SHTN1: variants seen among roughly 807,000 people sequenced by gnomAD.
The protein encoded by SHTN1 is shootin 1, also known as shootin-1.
Under a neutral mutation model 83.1 loss-of-function variants are expected in SHTN1, and 42 were observed. The ratio of observed to expected loss-of-function variants is 0.51; its 90% CI spans 0.39 to 0.65. The LOEUF is 0.65. Ranked by LOEUF, SHTN1 falls within the 30% of genes least tolerant of loss-of-function variation. SHTN1 has a pLI of 0.00. For missense variants in SHTN1, 622 were observed against 737.8 expected, an observed-to-expected ratio of 0.84 and a Z score of 1.82; for synonymous variants, 224 against 247.7, an observed-to-expected ratio of 0.90 and a Z score of 0.90.
chr10:117,002,142 C>T (rs979075479), intron 1 of SHTN1, among the ~76,000 whole-genome samples: 4 of 152,196 alleles, frequency 2.6e-5, no homozygotes, highest in Non-Finnish European at 4.4e-5. Context: ...TTGGAGGGCA[C>T]TTTTGCAATG....
At chr10:117,063,866 C>T (rs997753250) in intron 1 of SHTN1, among the ~76,000 whole-genome samples, 3 of 152,104 alleles carry the variant, frequency 2.0e-5, no homozygotes, top group Admixed American at 6.5e-5. Context: ...TTTTCAAAGG[C>T]CTTTCTTGAT....
chr10:116,894,055 C>T (rs1847431526), intron 16 of SHTN1, among the ~76,000 whole-genome samples: 1 of 152,164 alleles, frequency 6.6e-6, no homozygotes, highest in African/African-American at 2.4e-5. Flanking sequence ...ATCAATCTTA[C>T]TTTTAATTCA....
intron 1 of SHTN1, among the ~76,000 whole-genome samples, chr10:116,984,386 T>G (rs1448856424): frequency 6.6e-6 from 1 of 152,166 alleles, no homozygotes; most frequent in Non-Finnish European, 1.5e-5. Context: ...ACACAGAACA[T>G]TTCCAACAGA....
rs541765106 is a variant in SHTN1 at position 116,891,919 on chromosome 10, TA to T, written c.1674-5354del. On this transcript the variant is annotated intron_variant, in intron 16 of 16. Transcript: ENST00000355371. ...CTTCATTTTAGCTCAAAGAACGTAT[TA>T]AGTTTGTCAATTTGGGTCCACTTCT... Among the ~76,000 whole-genome samples, 135 of 152,326 alleles carry T rather than the reference TA, an allele frequency of 8.9e-4. 2 individuals carry two copies. The South Asian group carries it at 0.022, about 25-fold the overall frequency.
intron 1 of SHTN1, among the ~76,000 whole-genome samples, chr10:117,107,424 C>A (rs1425434447): frequency 6.6e-6 from 1 of 150,388 alleles, no homozygotes; most frequent in Non-Finnish European, 1.5e-5. Context: ...ATACTCCGTT[C>A]CGCAATAGGA....
At chr10:116,950,357 C>T (rs1849731974) in intron 6 of SHTN1, among the ~76,000 whole-genome samples, 1 of 151,898 alleles carries the variant, frequency 6.6e-6, no homozygotes, top group African/African-American at 2.4e-5. Flanking sequence ...TTTTGAGAGA[C>T]GAGGTCTTGC....
chr10:117,008,825 T>C (rs1418072968), upstream of SHTN1, among the ~76,000 whole-genome samples: 1 of 152,196 alleles, frequency 6.6e-6, no homozygotes, highest in East Asian at 1.9e-4. Context: ...CTCAAAACTA[T>C]AGAATTGGCC....
At chr10:116,923,327 A>G (rs1848629529) in intron 11 of SHTN1, among the ~76,000 whole-genome samples, 1 of 152,192 alleles carries the variant, frequency 6.6e-6, no homozygotes, top group Non-Finnish European at 1.5e-5. Context: ...TCCTCCATAA[A>G]ATGTTTACCA....
chr10:116,997,710 A>G (rs1851673498), intron 1 of SHTN1, among the ~76,000 whole-genome samples: 3 of 152,162 alleles, frequency 2.0e-5, no homozygotes, highest in African/African-American at 7.2e-5. Context: ...AGTGTTTGTC[A>G]GGTTTCTCCA....
At chr10:117,104,566 C>T (rs946744055) in intron 1 of SHTN1, among the ~76,000 whole-genome samples, 1 of 152,100 alleles carries the variant, frequency 6.6e-6, no homozygotes, top group African/African-American at 2.4e-5. Context: ...GTCAGGAAAT[C>T]GAGACCATCC....
chr10:116,959,306 G>A (rs184917301), intron 4 of SHTN1, among the ~76,000 whole-genome samples: 1 of 152,286 alleles, frequency 6.6e-6, no homozygotes, highest in East Asian at 1.9e-4. Flanking sequence ...CTAATGTAGT[G>A]TTGTTATGCA....
intron 9 of SHTN1, among the ~76,000 whole-genome samples, chr10:116,931,650 G>GC (rs1848972845): frequency 1.3e-5 from 2 of 151,986 alleles, no homozygotes; most frequent in African/African-American, 4.8e-5. Context: ...GAAATACTAT[G>GC]CAACTTTTAA....
At chr10:116,991,458 G>A (rs887695240) in intron 1 of SHTN1, among the ~76,000 whole-genome samples, 3 of 152,176 alleles carry the variant, frequency 2.0e-5, no homozygotes, top group African/African-American at 4.8e-5. Flanking sequence ...GGCAGAAGGC[G>A]AAGGGGAACA....
chr10:117,000,630 C>A (rs1450553795), intron 1 of SHTN1, among the ~76,000 whole-genome samples: 1 of 152,136 alleles, frequency 6.6e-6, no homozygotes, highest in African/African-American at 2.4e-5. Context: ...AATGACATGG[C>A]ATTACTACAC....
chr10:116,974,463 T>G (rs1288088109), intron 2 of SHTN1, among the ~76,000 whole-genome samples: 1 of 152,120 alleles, frequency 6.6e-6, no homozygotes. Context: ...AGGAAGAAAT[T>G]TTAACAATAG....
chr10:117,037,830 A>AC (rs1259416336), intron 2 of SHTN1, among the ~76,000 whole-genome samples: 2 of 151,846 alleles, frequency 1.3e-5, no homozygotes, highest in Non-Finnish European at 2.9e-5. Context: ...ATATGGTGAA[A>AC]CCCCATCTCT....
intron 6 of SHTN1, among the ~76,000 whole-genome samples, chr10:116,949,865 T>C (rs1234027181): frequency 1.3e-5 from 2 of 152,026 alleles, no homozygotes; most frequent in African/African-American, 4.8e-5. Flanking sequence ...GAAAAGTTTT[T>C]TTAAAAAAAA....
chr10:116,953,043 G>A (rs1054237900), intron 5 of SHTN1, among the ~76,000 whole-genome samples: 1 of 152,256 alleles, frequency 6.6e-6, no homozygotes, highest in East Asian at 1.9e-4. Flanking sequence ...TTAGCTTGAG[G>A]GGTTGAAGAG....
chr10:116,907,540 G>C (rs973601037), intron 14 of SHTN1, among the ~76,000 whole-genome samples: 2 of 152,202 alleles, frequency 1.3e-5, no homozygotes, highest in Non-Finnish European at 2.9e-5. Flanking sequence ...ATGTTACAGA[G>C]TGAGAGCTAT....
Sources: gnomAD v4.1 joint callset for allele counts (sites outside exome capture counted in the v4.1 genomes callset) on GRCh38, gnomAD v4.1.1 for gene constraint, MANE v1.5 for transcripts, NCBI Gene and HGNC (gene_info 2026-07-23, HGNC 2026-07-21) for gene names.